The following TET1 variants were observed in gnomAD, a reference collection of about 807,000 sequenced individuals.
The protein encoded by TET1 is tet methylcytosine dioxygenase 1.
A neutral mutation model predicts 148.7 loss-of-function variants in TET1; 13 were observed. The ratio of observed to expected loss-of-function variants is 0.09; its 90% CI spans 0.06 to 0.14. TET1 has a LOEUF of 0.14. Among genes scored for constraint, TET1 ranks in the 10% least tolerant of loss-of-function variants. TET1 has a pLI of 1.00. For missense variants in TET1, 2,182 were observed against 2,553.8 expected, an observed-to-expected ratio of 0.85 and a Z score of 3.14; for synonymous variants, 907 against 937.2, an observed-to-expected ratio of 0.97 and a Z score of 0.59.
rs1476966385 is a variant in TET1 at position 68,694,246 on chromosome 10, A to G, written c.*2432A>G. The stretch of plus-strand genomic sequence containing the variant: ...CCATTCCGTTGTTGTAGTTAACATC[A>G]TGAATGGACTTCTTAAGCTGATTAC... On this transcript the variant is annotated 3_prime_UTR_variant, in exon 12 of 12. Transcript: ENST00000373644. 3.4e-5 allele frequency: 8 copies of G among 232,604 alleles called. No individual in the cohort carries two copies. The highest frequency in any genetic ancestry group is 1.3e-4 in the African/African-American group (6 of 45,316). The allele number at this position is 232,604 out of a possible 1,614,324, so 14.4% of individuals were successfully genotyped here.
intron 1 of TET1, among the ~76,000 whole-genome samples, chr10:68,564,227 C>A (rs890540270): frequency 7.9e-5 from 12 of 151,702 alleles, no homozygotes; most frequent in Non-Finnish European, 1.3e-4. Flanking sequence ...CCGCTTACTG[C>A]AACCTTCATC....
chr10:68,682,751 C>T, intron 9 of TET1, 85 bp from the exon 10 acceptor site: 1 of 1,433,706 alleles, frequency 7.0e-7, no homozygotes, highest in Non-Finnish European at 9.4e-7. Context: ...TTAGAAACTT[C>T]ATGAGGAAAT....
intron 2 of TET1, among the ~76,000 whole-genome samples, chr10:68,593,193 C>T (rs1034585636): frequency 1.4e-5 from 2 of 138,324 alleles, no homozygotes; most frequent in Non-Finnish European, 3.0e-5. Context: ...GATTGCGCCA[C>T]TGCACTCCAG....
At chr10:68,636,650 G>A (rs929754258) in intron 3 of TET1, among the ~76,000 whole-genome samples, 4 of 152,106 alleles carry the variant, frequency 2.6e-5, no homozygotes, top group Non-Finnish European at 5.9e-5. Flanking sequence ...CTACAGCCTC[G>A]GTGATAAAGT....
rs577805748 is a variant in TET1 at position 68,686,097 on chromosome 10, C to T, written c.5053-259C>T. On this transcript the variant is annotated intron_variant, in intron 10 of 11. Transcript: ENST00000373644. ...ACAAGAATGTTTAGTATCAAAAATA[C>T]GTAAGTATTTTATAACGTTATATTT... Among the ~76,000 whole-genome samples the T allele has an allele frequency of 7.2e-5, 11 of 152,094 alleles. No individual in the cohort carries two copies. In the South Asian group the frequency reaches 1.0e-3, roughly 14 times the overall value.
At position 68,572,472 on chromosome 10, in the gene TET1, G is replaced by A. The variant is rs1488290365; in HGVS notation, c.134G>A (p.Ser45Asn). 6.2e-7 allele frequency: 1 copy of A among 1,614,032 alleles called. No homozygotes were observed. Among genetic ancestry groups the A allele is most frequent in the Non-Finnish European group, 8.5e-7 (1 of 1,180,006 alleles). ...NKNVASVKTL[S>N]PGKLKQLIQE... is the part of the protein sequence containing the mutation. ...AATGTGGCATCAGTCAAGACTTTAA[G>A]CCCTGGAAAATTAAAGCAATTAATT... is the stretch of plus-strand genomic sequence containing the variant. Residue 45 changes from serine to asparagine, a missense_variant, in exon 2 of 12, where the codon AGC becomes AAC. By Grantham distance (46) the Ser-to-Asn change is conservative. This residue lies in a region of TET1 where 665 missense variants were observed against 672.4 expected (regional missense o/e 0.99). Transcript: ENST00000373644.
At chr10:68,567,588 T>A (rs536974681) in intron 1 of TET1, among the ~76,000 whole-genome samples, 1 of 151,768 alleles carries the variant, frequency 6.6e-6, no homozygotes, top group East Asian at 2.0e-4. Flanking sequence ...GCCACTGTGC[T>A]TGGCCAGGTT....
chr10:68,562,155 CTG>C (rs2053561929), intron 1 of TET1, among the ~76,000 whole-genome samples: 1 of 152,162 alleles, frequency 6.6e-6, no homozygotes, highest in African/African-American at 2.4e-5. Flanking sequence ...AAGAGCGGCG[CTG>C]TATAGCAGCA....
At position 68,577,288 on chromosome 10, in the gene TET1, C is replaced by A. The variant is rs113029912; in HGVS notation, c.1914+3036C>A. 2.6e-5 allele frequency among the ~76,000 whole-genome samples: 4 copies of A among 151,886 alleles called. 1 individual carries two copies. Among genetic ancestry groups the A allele is most frequent in the African/African-American group, 9.6e-5 (4 of 41,486 alleles). ...TCTCCATCTCCTGACCTCAGATGAT[C>A]TGCCTGCATTGGCCTCCCAAAGTGC... is the stretch of plus-strand genomic sequence containing the variant. On this transcript the variant is annotated intron_variant, in intron 2 of 11. Coordinates refer to ENST00000373644, the MANE Select transcript of TET1 (RefSeq NM_030625.3).
At chr10:68,617,923 CT>C (rs201768259) in intron 3 of TET1, among the ~76,000 whole-genome samples, 510 of 144,786 alleles carry the variant, frequency 3.5e-3, no homozygotes, top group African/African-American at 4.2e-3. Flanking sequence ...CTTTCTTTCT[CT>C]TTTTTTTTTT....
intron 4 of TET1, 29 bp downstream of exon 4, chr10:68,647,034 T>A (rs1234071231): frequency 6.4e-7 from 1 of 1,566,560 alleles, no homozygotes; most frequent in Admixed American, 1.9e-5. Context: ...GTGTTCTTAT[T>A]TCACCTGCAC....
At position 68,672,897 on chromosome 10, in the gene TET1, G is replaced by A. The variant is rs776044335; in HGVS notation, c.4676G>A (p.Arg1559His). 5.0e-6 allele frequency: 8 copies of A among 1,605,280 alleles called. No individual in the cohort carries two copies. The highest frequency in any genetic ancestry group is 6.0e-6 in the Non-Finnish European group (7 of 1,174,104). Residue 1559 changes from arginine (R) to histidine (H), a missense_variant and splice_region_variant, in exon 8 of 12, where the codon CGT becomes CAT. Physicochemically the swap from Arg to His is conservative, Grantham distance 29. Transcript: ENST00000373644. ...TCTCTTGAATTACAATCTTACAGTC[G>A]TACCTGTACATGTCAAGGAATTGAT... ...TDRRCTLNEN[R>H]TCTCQGIDPE...
At chr10:68,632,423 T>G in intron 3 of TET1, 1 of 1,612,004 alleles carries the variant, frequency 6.2e-7, no homozygotes, top group Non-Finnish European at 8.5e-7. Flanking sequence ...TCCCTTAAGC[T>G]CCTAGGATTT....
chr10:68,593,915 ATTTTTTTTTTTTTTTTTTT>A (rs3998851), intron 2 of TET1, among the ~76,000 whole-genome samples: 5 of 44,724 alleles, frequency 1.1e-4, no homozygotes, highest in African/African-American at 4.2e-4. Flanking sequence ...CGCCTGAGCT[ATTTTTTTTTTTTTTTTTTT>A]TTTTTTTTTG....
In TET1 at chr10:68,647,477, G is replaced by A. The variant is rs1382744838; in HGVS notation, c.4276+472G>A. Among the ~76,000 whole-genome samples the A allele has an allele frequency of 6.6e-5, 10 of 152,156 alleles. No homozygotes were observed. In the East Asian group the frequency reaches 1.9e-3, roughly 29 times the overall value. On this transcript the variant is annotated intron_variant, in intron 4 of 11. Coordinates refer to ENST00000373644, the MANE Select transcript of TET1 (RefSeq NM_030625.3). ...AAATTAGTTGAGCATGGTGGTGCAC[G>A]CCTGCAATCCCAGCTACTCGGTTGG...
At chr10:68,666,503 T>C (rs1199205847) in intron 6 of TET1, among the ~76,000 whole-genome samples, 1 of 152,240 alleles carries the variant, frequency 6.6e-6, no homozygotes, top group African/African-American at 2.4e-5. Context: ...GATGGTTTTT[T>C]TCCATCGTCT....
chr10:68,682,255 G>A (rs1035221749), intron 9 of TET1, among the ~76,000 whole-genome samples: 6 of 151,600 alleles, frequency 4.0e-5, no homozygotes, highest in African/African-American at 1.5e-4. Context: ...GGGACTACAG[G>A]CATGCGCCAC....
At chr10:68,644,280 G>T (rs2054806332) in intron 3 of TET1, among the ~76,000 whole-genome samples, 3 of 152,070 alleles carry the variant, frequency 2.0e-5, no homozygotes, top group Non-Finnish European at 4.4e-5. Flanking sequence ...TGGCTCATTG[G>T]AACCTCCACC....
intron 3 of TET1, among the ~76,000 whole-genome samples, chr10:68,611,649 T>A (rs2054212512): frequency 1.0e-5 from 1 of 97,988 alleles, no homozygotes; most frequent in Admixed American, 1.0e-4. Context: ...AGAGACCCTT[T>A]CTTTCTTTTC....
Sources: gnomAD v4.1 joint callset for allele counts (sites outside exome capture counted in the v4.1 genomes callset) on GRCh38, gnomAD v4.1.1 for gene constraint, gnomAD v4.1.1 regional missense constraint, MANE v1.5 for transcripts, NCBI Gene and HGNC (gene_info 2026-07-23, HGNC 2026-07-21) for gene names.